The following NCOA2 variants were observed in gnomAD, a reference collection of about 807,000 sequenced individuals.
The protein encoded by NCOA2 is nuclear receptor coactivator 2, also known as class E basic helix-loop-helix protein 75.
Under a neutral mutation model 145.1 loss-of-function variants are expected in NCOA2, and 21 were observed. The observed-to-expected ratio is 0.14, with a 90% CI of 0.10 to 0.21. The LOEUF is 0.21. Ranked by LOEUF, NCOA2 falls within the 10% of genes least tolerant of loss-of-function variation. The pLI is 1.00. For synonymous variants in NCOA2, 619 were observed against 637.5 expected (o/e 0.97, Z 0.44); for missense variants, 1,472 against 1,837.6 (o/e 0.80, Z 3.64).
At chr8:70,301,655 CAAAAAAAA>C (rs71275063) in intron 1 of NCOA2, among the ~76,000 whole-genome samples, 140 of 60,168 alleles carry the variant, frequency 2.3e-3, no homozygotes, top group Admixed American at 7.1e-3. Context: ...GACCCTTTCT[CAAAAAAAA>C]AAAAAAAAAA....
At chr8:70,142,079 C>G (rs1585811055) in intron 13 of NCOA2, among the ~76,000 whole-genome samples, 1 of 152,204 alleles carries the variant, frequency 6.6e-6, no homozygotes, top group Non-Finnish European at 1.5e-5. Flanking sequence ...TCTGACCACA[C>G]ATAAGAGCGT....
At chr8:70,346,864 A>C (rs992477879) in intron 1 of NCOA2, among the ~76,000 whole-genome samples, 4 of 152,204 alleles carry the variant, frequency 2.6e-5, no homozygotes, top group Non-Finnish European at 5.9e-5. Flanking sequence ...ATCTTTTATT[A>C]TGAGGACATT....
At chr8:70,423,943 G>T in the NCOA2 span, among the ~76,000 whole-genome samples, 1 of 152,136 alleles carries the variant, frequency 6.6e-6, no homozygotes, top group Non-Finnish European at 1.5e-5. Context: ...CTGCACAATG[G>T]CCTCTCCTGT....
chr8:70,420,195 C>A, the NCOA2 span, among the ~76,000 whole-genome samples: 10 of 152,324 alleles, frequency 6.6e-5, no homozygotes, highest in Admixed American at 6.5e-4. Flanking sequence ...TCAAAAAATA[C>A]TTCCTCTGCC....
At chr8:70,145,125 TTTCATTCA>T (rs144420333) in intron 12 of NCOA2, among the ~76,000 whole-genome samples, 10 of 152,058 alleles carry the variant, frequency 6.6e-5, no homozygotes, top group South Asian at 4.1e-4. Context: ...CCAATAGTAA[TTTCATTCA>T]TTCATTCATT....
intron 2 of NCOA2, among the ~76,000 whole-genome samples, chr8:70,232,655 G>A (rs1563657507): frequency 6.6e-6 from 1 of 152,010 alleles, no homozygotes. Flanking sequence ...CACCTTGGGA[G>A]ACCCTGCTGC....
intron 1 of NCOA2, among the ~76,000 whole-genome samples, chr8:70,338,802 A>C (rs1352918430): frequency 6.6e-6 from 1 of 152,190 alleles, no homozygotes; most frequent in East Asian, 1.9e-4. Context: ...AATACACACA[A>C]AACAGTAAAT....
At chr8:70,161,126 G>GTA (rs1812953242) in intron 9 of NCOA2, among the ~76,000 whole-genome samples, 1 of 152,322 alleles carries the variant, frequency 6.6e-6, no homozygotes, top group African/African-American at 2.4e-5. Context: ...TCTGTTCAAT[G>GTA]TAACTGATCA....
intron 1 of NCOA2, among the ~76,000 whole-genome samples, chr8:70,362,973 G>C (rs1268230582): frequency 2.0e-5 from 3 of 151,310 alleles, no homozygotes; most frequent in Non-Finnish European, 2.9e-5. Context: ...AGCTACTTGA[G>C]AGGCTGAGGT....
Position 70,307,945 on chromosome 8 carries a change from GGCT to G in NCOA2, c.-76-11148_-76-11146del, listed in dbSNP as rs1181358558. Reference sequence around the variant, plus strand: ...AAGGAATCTAGTAACATACTAAACTGGCTGCTTTTCATAGGAGCCATTAACCAA... The same window carrying G: ...AAGGAATCTAGTAACATACTAAACTGGCTTTTCATAGGAGCCATTAACCAA... On this transcript the variant is annotated intron_variant, in intron 1 of 22. Coordinates refer to ENST00000452400, the MANE Select transcript of NCOA2 (RefSeq NM_006540.4). 1.3e-5 allele frequency among the ~76,000 whole-genome samples: 2 copies of G among 152,062 alleles called. 1 individual carries two copies. The highest frequency in any genetic ancestry group is 2.9e-5 in the Non-Finnish European group (2 of 67,996).
intron 11 of NCOA2, among the ~76,000 whole-genome samples, chr8:70,150,662 T>C (rs963975791): frequency 3.9e-5 from 6 of 152,246 alleles, no homozygotes; most frequent in Admixed American, 6.5e-5. Context: ...AAAATACATA[T>C]GTAAAGTTGA....
intron 4 of NCOA2, among the ~76,000 whole-genome samples, chr8:70,201,985 T>C (rs1817945615): frequency 6.6e-6 from 1 of 152,204 alleles, no homozygotes; most frequent in Admixed American, 6.5e-5. Flanking sequence ...CCCTAGATTA[T>C]TCAGTGATAA....
chr8:70,364,903 A>G (rs1047407786), intron 1 of NCOA2, among the ~76,000 whole-genome samples: 2 of 150,982 alleles, frequency 1.3e-5, no homozygotes, highest in African/African-American at 4.9e-5. Context: ...ATTTCTGTTC[A>G]TCTACTCTGA....
chr8:70,435,415 ACTCCGTCTC>A, the NCOA2 span, among the ~76,000 whole-genome samples: 1 of 103,758 alleles, frequency 9.6e-6, no homozygotes, highest in Non-Finnish European at 1.8e-5. Flanking sequence ...AAAGAGTGAG[ACTCCGTCTC>A]AAAAAAAAAA....
At chr8:70,365,030 C>T (rs147240430) in intron 1 of NCOA2, among the ~76,000 whole-genome samples, 184 of 152,168 alleles carry the variant, frequency 1.2e-3, no homozygotes, top group African/African-American at 3.9e-3. Flanking sequence ...TTATGAAGTG[C>T]CAACTCTTTA....
chr8:70,424,740 C>G, the NCOA2 span, among the ~76,000 whole-genome samples: 1 of 152,212 alleles, frequency 6.6e-6, no homozygotes, highest in Non-Finnish European at 1.5e-5. Context: ...CAATGTGAAA[C>G]AATGGGTGGT....
intron 2 of NCOA2, among the ~76,000 whole-genome samples, chr8:70,238,305 T>C (rs567731707): frequency 1.3e-5 from 2 of 152,262 alleles, no homozygotes; most frequent in South Asian, 2.1e-4. Context: ...AATAACAATA[T>C]ATTAGGTGCT....
chr8:70,435,702 T>C, the NCOA2 span, among the ~76,000 whole-genome samples: 1 of 150,796 alleles, frequency 6.6e-6, no homozygotes, highest in Non-Finnish European at 1.5e-5. Context: ...TATATATAAG[T>C]ATAATACTTA....
chr8:70,391,440 T>C (rs953049352), intron 1 of NCOA2, among the ~76,000 whole-genome samples: 7 of 152,200 alleles, frequency 4.6e-5, no homozygotes, highest in Admixed American at 4.6e-4. Flanking sequence ...CATCTCCTTA[T>C]GATCTGCCAG....
Sources: gnomAD v4.1 joint callset for allele counts (sites outside exome capture counted in the v4.1 genomes callset) on GRCh38, gnomAD v4.1.1 for gene constraint, MANE v1.5 for transcripts, NCBI Gene and HGNC (gene_info 2026-07-23, HGNC 2026-07-21) for gene names.